Variants in DLC1 observed in about 807,000 individuals in gnomAD.
The protein encoded by DLC1 is DLC1 Rho GTPase activating protein.
A neutral mutation model predicts 140.3 loss-of-function variants in DLC1; 54 were observed. The ratio of observed to expected loss-of-function variants is 0.38; its 90% CI spans 0.31 to 0.48. The LOEUF is 0.48. DLC1 is among the 20% of genes least tolerant of loss of function. The pLI, the probability that DLC1 is intolerant of heterozygous loss-of-function variation, is 0.96. For synonymous variants in DLC1, 986 were observed against 728.1 expected (o/e 1.35, Z -5.70); for missense variants, 2,536 against 1,907.0 (o/e 1.33, Z -6.14).
At chr8:13,304,871 A>T (rs1832351994) in intron 5 of DLC1, 1 of 988,960 alleles carries the variant, frequency 1.0e-6, no homozygotes, top group Non-Finnish European at 1.2e-6. Context: ...GTATGGCATC[A>T]GCTTTAAGCA....
At chr8:13,148,041 T>A (rs562173655) in intron 5 of DLC1, among the ~76,000 whole-genome samples, 1 of 152,206 alleles carries the variant, frequency 6.6e-6, no homozygotes, top group Non-Finnish European at 1.5e-5. Flanking sequence ...CAAACCATTG[T>A]TGTATTCTTC....
intron 2 of DLC1, 107 bp downstream of exon 2, chr8:13,498,942 C>G: frequency 1.5e-6 from 2 of 1,343,246 alleles, no homozygotes; most frequent in Non-Finnish European, 2.0e-6. Context: ...CATAACAGGG[C>G]AAAAGAACCA....
chr8:13,285,602 A>G (rs1563224612), intron 5 of DLC1, among the ~76,000 whole-genome samples: 1 of 152,210 alleles, frequency 6.6e-6, no homozygotes, highest in African/African-American at 2.4e-5. Flanking sequence ...CAAATTAAAG[A>G]CATATGGAGA....
Position 13,099,471 on chromosome 8 carries a change from T to C in DLC1, c.2866A>G (p.Asn956Asp). 6.2e-7 allele frequency: 1 copy of C among 1,614,136 alleles called. No individual in the cohort carries two copies. The highest frequency in any genetic ancestry group is 8.5e-7 in the Non-Finnish European group (1 of 1,180,020). ...AGGTCGCTGGGTGTGGTTCGGTCGT[T>C]GTCCACATCCAGGTGTATCTGTTTT... ...SPKQIHLDVD[N>D]DRTTPSDLDS... The change falls in exon 9 of 18, where the codon AAC becomes GAC. Residue 956 changes from asparagine (N) to aspartate (D), a missense_variant. Physicochemically the swap from Asn to Asp is conservative, Grantham distance 23. Coordinates refer to ENST00000276297, the MANE Select transcript of DLC1 (RefSeq NM_182643.3).
chr8:13,236,245 A>G (rs1346592692), intron 5 of DLC1, among the ~76,000 whole-genome samples: 4 of 152,188 alleles, frequency 2.6e-5, no homozygotes, highest in Middle Eastern at 3.4e-3. Context: ...CACTTTTCCA[A>G]CATTTACTGT....
At chr8:13,188,497 G>A (rs991610543) in intron 5 of DLC1, among the ~76,000 whole-genome samples, 39 of 149,410 alleles carry the variant, frequency 2.6e-4, no homozygotes, top group Admixed American at 1.0e-3. Context: ...GGAGTTGAGA[G>A]GGACTTTCTA....
chr8:13,276,115 G>A, intron 5 of DLC1: 4 of 1,206,920 alleles, frequency 3.3e-6, no homozygotes, highest in Non-Finnish European at 4.4e-6. Flanking sequence ...GAGAAAGGGA[G>A]ACCGAACACA....
intron 5 of DLC1, among the ~76,000 whole-genome samples, chr8:13,297,617 T>A (rs1436610079): frequency 6.6e-6 from 1 of 152,152 alleles, no homozygotes; most frequent in African/African-American, 2.4e-5. Context: ...TTTTAAGGTG[T>A]TCACAGCCTA....
intron 4 of DLC1, among the ~76,000 whole-genome samples, chr8:13,362,409 C>T (rs777690425): frequency 2.0e-5 from 3 of 152,126 alleles, no homozygotes; most frequent in Admixed American, 6.5e-5. Context: ...CAGTTAGATT[C>T]CCGGGCACTC....
chr8:13,480,796 A>G (rs1456050874), intron 2 of DLC1, among the ~76,000 whole-genome samples: 3 of 152,016 alleles, frequency 2.0e-5, no homozygotes, highest in African/African-American at 7.2e-5. Flanking sequence ...CCTAGCTACT[A>G]GGGAGGCTGA....
At chr8:13,269,337 C>T (rs1361970442) in intron 5 of DLC1, among the ~76,000 whole-genome samples, 2 of 152,098 alleles carry the variant, frequency 1.3e-5, no homozygotes, top group South Asian at 2.1e-4. Flanking sequence ...TAGTGGTTGT[C>T]CTTGAGCTAC....
chr8:13,160,114 T>G (rs1186851834), intron 5 of DLC1: 1 of 152,270 alleles, frequency 6.6e-6, no homozygotes, highest in Non-Finnish European at 1.5e-5. Flanking sequence ...GCCGAGATTG[T>G]GCCGCTGCAC....
chr8:13,432,893 A>C (rs936478945), intron 2 of DLC1, among the ~76,000 whole-genome samples: 1 of 149,896 alleles, frequency 6.7e-6, no homozygotes, highest in Non-Finnish European at 1.5e-5. Context: ...GTGGTGCTCT[A>C]CTGCTGGGGA....
At position 13,514,593 on chromosome 8, in the gene DLC1, G is replaced by C. The variant is rs1802522341; in HGVS notation, c.-126+9C>G. The C allele has an allele frequency of 2.5e-6, 1 of 398,392 alleles. No individual in the cohort carries two copies. The allele number at this position is 398,392 out of a possible 1,614,324, so 24.7% of individuals were successfully genotyped here. A position where few individuals can be genotyped will look rare whatever the true frequency, so the allele number is the denominator to read the frequency against. Reference sequence around the variant, plus strand: ...CCTCAAAGCATAAAGATAGTCCATAGCGTCTTACCTAGACAACGAGGAGCT... The same window carrying C: ...CCTCAAAGCATAAAGATAGTCCATACCGTCTTACCTAGACAACGAGGAGCT... On this transcript the variant is annotated intron_variant, in intron 1 of 17. Coordinates refer to ENST00000276297, the MANE Select transcript of DLC1 (RefSeq NM_182643.3).
intron 5 of DLC1, among the ~76,000 whole-genome samples, chr8:13,149,289 G>C (rs921482244): frequency 6.6e-6 from 1 of 152,110 alleles, no homozygotes; most frequent in Admixed American, 6.5e-5. Flanking sequence ...TATGAGCTCT[G>C]TTCTTTTCCT....
intron 1 of DLC1, among the ~76,000 whole-genome samples, chr8:13,507,582 T>C (rs927662103): frequency 6.6e-6 from 1 of 152,218 alleles, no homozygotes; most frequent in African/African-American, 2.4e-5. Flanking sequence ...ATATGTGTCT[T>C]AATCCCACAC....
At position 13,084,448 on chromosome 8, in the gene DLC1, CTT is replaced by C. The variant is rs1795198966; in HGVS notation, c.*1361_*1362del. On this transcript the variant is annotated 3_prime_UTR_variant, in exon 18 of 18. Coordinates refer to ENST00000276297, the MANE Select transcript of DLC1 (RefSeq NM_182643.3). ...CACAATAAATTTACTAATACTGTCT[CTT>C]GAGTCAATCCTTACCATTACAGTAA... 6.6e-6 allele frequency: 1 copy of C among 152,518 alleles called. No homozygotes were observed. Among genetic ancestry groups the C allele is most frequent in the African/African-American group, 2.4e-5 (1 of 41,420 alleles). The allele number at this position is 152,518 out of a possible 1,614,324, so 9.4% of individuals were successfully genotyped here. A position where few individuals can be genotyped will look rare whatever the true frequency, so the allele number is the denominator to read the frequency against.
At chr8:13,100,806 G>A (rs775326324) in intron 8 of DLC1, 36 bp from the exon 9 acceptor site, 3 of 1,522,710 alleles carry the variant, frequency 2.0e-6, no homozygotes, top group East Asian at 4.5e-5. Flanking sequence ...ACACACTGGG[G>A]CTGGCAGCCA....
At chr8:13,219,607 A>G (rs73560308) in intron 5 of DLC1, among the ~76,000 whole-genome samples, 3,230 of 151,816 alleles carry the variant, frequency 0.021, 113 homozygotes, top group African/African-American at 0.073. Flanking sequence ...ACCTTCTTCA[A>G]AAAAGCCTTC....
Sources: gnomAD v4.1 joint callset for allele counts (sites outside exome capture counted in the v4.1 genomes callset) on GRCh38, gnomAD v4.1.1 for gene constraint, MANE v1.5 for transcripts, NCBI Gene and HGNC (gene_info 2026-07-23, HGNC 2026-07-21) for gene names.